GABRA5: variants seen among roughly 807,000 people sequenced by gnomAD.
The protein encoded by GABRA5 is gamma-aminobutyric acid type A receptor subunit alpha5.
GABRA5 carries 18 observed loss-of-function variants against 47.3 expected under a neutral mutation model. The observed-to-expected ratio is 0.38, with a 90% CI of 0.26 to 0.56. GABRA5 has a LOEUF of 0.56. GABRA5 is among the 20% of genes least tolerant of loss of function. The pLI is 0.71. For synonymous variants in GABRA5, 237 were observed against 229.3 expected, an observed-to-expected ratio of 1.03 and a Z score of -0.30; for missense variants, 365 against 599.3, an observed-to-expected ratio of 0.61 and a Z score of 4.08.
intron 3 of GABRA5, among the ~76,000 whole-genome samples, chr15:26,877,070 A>G (rs1892617182): frequency 6.6e-6 from 1 of 152,228 alleles, no homozygotes; most frequent in Admixed American, 6.5e-5. Flanking sequence ...ACACTTCAGT[A>G]GGATTTCAGG....
Position 26,869,293 on chromosome 15 carries a change from CCTT to C in GABRA5, c.48_50del (p.Leu17del), listed in dbSNP as rs781474795. On this transcript the variant is annotated inframe_deletion, in exon 3 of 11. Transcript: ENST00000335625. Reference sequence around the variant, plus strand: ...CTGGTTTTATCATGATCAAAAACCTCCTTCTCTTTTGTATTTCCATGAACTTAT... The same window carrying C: ...CTGGTTTTATCATGATCAAAAACCTCCTCTTTTGTATTTCCATGAACTTAT... 1.9e-6 allele frequency: 3 copies of C among 1,609,870 alleles called. No individual in the cohort carries two copies.
In GABRA5 at chr15:26,888,079, G is replaced by A. The variant is rs893653509; in HGVS notation, c.497+4522G>A. On this transcript the variant is annotated intron_variant, in intron 6 of 10. Coordinates refer to ENST00000335625, the MANE Select transcript of GABRA5 (RefSeq NM_000810.4). ...GTGAGCTGGCATTCTTTACATAAGA[G>A]ATTCAAAAAAAGCTGAGGGAATGTA... 3.4e-4 allele frequency among the ~76,000 whole-genome samples: 52 copies of A among 152,272 alleles called. 2 individuals carry two copies. The highest frequency in any genetic ancestry group is 9.4e-4 in the African/African-American group (39 of 41,570).
At chr15:26,903,909 T>C (rs1452523866) in intron 6 of GABRA5, among the ~76,000 whole-genome samples, 2 of 152,146 alleles carry the variant, frequency 1.3e-5, no homozygotes, top group Non-Finnish European at 2.9e-5. Flanking sequence ...TCTCATTCTA[T>C]AGGTTGTCTG....
intron 6 of GABRA5, among the ~76,000 whole-genome samples, chr15:26,910,320 G>A (rs937348776): frequency 3.3e-5 from 5 of 152,072 alleles, no homozygotes; most frequent in East Asian, 3.9e-4. Flanking sequence ...AAAAATGCCC[G>A]ACCGGGTGTG....
Position 26,924,158 on chromosome 15 carries a change from C to CTTT in GABRA5, c.580+9288_580+9290dup, listed in dbSNP as rs536989357. ...ATATTCTGTATATTATAATACAAGG[C>CTTT]TTTTTTTTTTTTTTTTTCTCACTGC... On this transcript the variant is annotated intron_variant, in intron 7 of 10. Transcript: ENST00000335625. Among the ~76,000 whole-genome samples the CTTT allele has an allele frequency of 8.9e-3, 1,106 of 123,734 alleles. 20 individuals carry two copies. Among genetic ancestry groups the CTTT allele is most frequent in the African/African-American group, 0.028 (899 of 32,464 alleles). 81.2% of individuals were successfully genotyped at this position (123,734 alleles called of 152,430 possible).
intron 6 of GABRA5, among the ~76,000 whole-genome samples, chr15:26,890,150 A>C (rs551325181): frequency 6.6e-6 from 1 of 152,198 alleles, no homozygotes; most frequent in Non-Finnish European, 1.5e-5. Flanking sequence ...TTCTGGTCCA[A>C]GCACCTACGT....
At chr15:26,943,934 G>T (rs1379784922) in intron 10 of GABRA5, among the ~76,000 whole-genome samples, 2 of 152,152 alleles carry the variant, frequency 1.3e-5, no homozygotes, top group Non-Finnish European at 1.5e-5. Context: ...AGTATTTAAA[G>T]GATGATTTAT....
chr15:26,902,145 A>G (rs1247291288), intron 6 of GABRA5, among the ~76,000 whole-genome samples: 2 of 152,026 alleles, frequency 1.3e-5, no homozygotes, highest in Non-Finnish European at 2.9e-5. Flanking sequence ...GCCTCTTCAT[A>G]TCAATATTAG....
intron 6 of GABRA5, among the ~76,000 whole-genome samples, chr15:26,890,122 T>C (rs1892969640): frequency 6.6e-6 from 1 of 152,234 alleles, no homozygotes; most frequent in Non-Finnish European, 1.5e-5. Context: ...ACATCTATTT[T>C]TTTTCTCTGT....
chr15:26,935,658 T>G (rs1320792973), intron 7 of GABRA5, among the ~76,000 whole-genome samples: 2 of 152,176 alleles, frequency 1.3e-5, no homozygotes, highest in African/African-American at 4.8e-5. Context: ...CCTCCACACT[T>G]CACGAATCCC....
intron 1 of GABRA5, among the ~76,000 whole-genome samples, chr15:26,868,296 C>T (rs1892374884): frequency 6.6e-6 from 1 of 152,154 alleles, no homozygotes; most frequent in African/African-American, 2.4e-5. Flanking sequence ...GGCACCCTGC[C>T]CTTCTTGGCA....
chr15:26,901,554 C>T (rs1006617081), intron 6 of GABRA5, among the ~76,000 whole-genome samples: 2 of 152,084 alleles, frequency 1.3e-5, no homozygotes, highest in Non-Finnish European at 1.5e-5. Context: ...TTTTGGATAA[C>T]AGCCCTTTGT....
intron 7 of GABRA5, among the ~76,000 whole-genome samples, chr15:26,920,691 C>T (rs1023723180): frequency 5.9e-5 from 9 of 152,158 alleles, no homozygotes; most frequent in Non-Finnish European, 1.0e-4. Context: ...ACATTCACCT[C>T]TCCCAATCTT....
At chr15:26,940,100 T>C in intron 9 of GABRA5, 23 bp downstream of exon 9, 6 of 1,593,530 alleles carry the variant, frequency 3.8e-6, no homozygotes, top group Middle Eastern at 1.7e-4. Flanking sequence ...AAGCCAGGCC[T>C]GGACACTGGT....
At chr15:26,895,176 C>T (rs941943580) in intron 6 of GABRA5, among the ~76,000 whole-genome samples, 2 of 152,088 alleles carry the variant, frequency 1.3e-5, no homozygotes, top group Non-Finnish European at 2.9e-5. Context: ...CTGACCCCAC[C>T]TGCCGCCCCC....
Position 26,937,235 on chromosome 15 carries a change from A to T in GABRA5, c.631A>T (p.Lys211Ter), listed in dbSNP as rs1307465223. Reference sequence around the variant, plus strand: ...TTACGTCTGGACCAACGGCTCCACCAAGTCGGTGGTGGTGGCGGAAGATGG... The same window carrying T: ...TTACGTCTGGACCAACGGCTCCACCTAGTCGGTGGTGGTGGCGGAAGATGG... The part of the protein sequence containing the change: ...VVYVWTNGST[K>*]SVVVAEDGSR... The change falls in exon 8 of 11, where the codon AAG becomes TAG. Residue 211 changes from lysine to a stop codon, truncating the protein, a stop_gained. Coordinates refer to ENST00000335625, the MANE Select transcript of GABRA5 (RefSeq NM_000810.4). LOFTEE classifies it high-confidence loss of function. 6.2e-7 allele frequency: 1 copy of T among 1,613,760 alleles called. No homozygotes were observed. Among genetic ancestry groups the T allele is most frequent in the Non-Finnish European group, 8.5e-7 (1 of 1,179,802 alleles).
chr15:26,908,462 G>T (rs1305120604), intron 6 of GABRA5, among the ~76,000 whole-genome samples: 2 of 152,176 alleles, frequency 1.3e-5, no homozygotes, highest in Non-Finnish European at 2.9e-5. Flanking sequence ...AATATTGCCT[G>T]CCGTCATGCC....
intron 6 of GABRA5, among the ~76,000 whole-genome samples, chr15:26,887,333 T>G (rs2140261751): frequency 6.6e-6 from 1 of 152,246 alleles, no homozygotes; most frequent in East Asian, 1.9e-4. Flanking sequence ...GCCTTTTATT[T>G]ATTTATTTAT....
chr15:26,929,636 T>C (rs1460851313), intron 7 of GABRA5, among the ~76,000 whole-genome samples: 2 of 152,178 alleles, frequency 1.3e-5, no homozygotes, highest in African/African-American at 4.8e-5. Flanking sequence ...CCCCCTCTGC[T>C]CTGTTGAGCG....
Sources: gnomAD v4.1 joint callset for allele counts (sites outside exome capture counted in the v4.1 genomes callset) on GRCh38, gnomAD v4.1.1 for gene constraint, MANE v1.5 for transcripts, NCBI Gene and HGNC (gene_info 2026-07-23, HGNC 2026-07-21) for gene names.